HTR1F: variants seen among roughly 807,000 people sequenced by gnomAD.
The protein encoded by HTR1F is 5-hydroxytryptamine (serotonin) receptor 1F, G protein-coupled.
Under a neutral mutation model 24.0 loss-of-function variants are expected in HTR1F, and 17 were observed. The ratio of observed to expected loss-of-function variants is 0.71; its 90% CI spans 0.48 to 1.06. The LOEUF is 1.06. HTR1F is among the 50% of genes least tolerant of loss of function. The pLI, the probability that HTR1F is intolerant of heterozygous loss-of-function variation, is 0.00. For missense variants in HTR1F, 391 were observed against 427.8 expected (o/e 0.91, Z 0.76); for synonymous variants, 186 against 156.8 (o/e 1.19, Z -1.39).
chr3:87,873,374 G>A (rs1432840910), intron 2 of HTR1F, among the ~76,000 whole-genome samples: 5 of 152,088 alleles, frequency 3.3e-5, no homozygotes, highest in African/African-American at 1.2e-4. Context: ...AGAGTCTGAA[G>A]GCCCAAGAAG....
At chr3:87,955,280 T>C (rs1485150740) in intron 2 of HTR1F, among the ~76,000 whole-genome samples, 1 of 151,502 alleles carries the variant, frequency 6.6e-6, no homozygotes, top group Non-Finnish European at 1.5e-5. Flanking sequence ...TTCGTTTTTA[T>C]GTAAGTAGTA....
intron 2 of HTR1F, among the ~76,000 whole-genome samples, chr3:87,849,246 G>C (rs1281541566): frequency 1.3e-5 from 2 of 151,770 alleles, no homozygotes; most frequent in African/African-American, 4.9e-5. Context: ...CATGGTACTG[G>C]TACCAAAACA....
rs1370594064 is a variant in HTR1F, at chr3:87,853,172, A to T, written c.-43+31048A>T. On this transcript the variant is annotated intron_variant, in intron 2 of 2. Transcript: ENST00000319595. ...CAGATTATTTTGTCACACAGGTATT[A>T]AGCCTAGTACCCATTAGTTATTTTT... is the stretch of plus-strand genomic sequence containing the variant. Among the ~76,000 whole-genome samples the T allele has an allele frequency of 6.0e-5, 9 of 149,820 alleles. 1 individual carries two copies. Among genetic ancestry groups the T allele is most frequent in the African/African-American group, 2.3e-4 (9 of 39,458 alleles).
intron 2 of HTR1F, among the ~76,000 whole-genome samples, chr3:87,907,414 T>C (rs991367486): frequency 1.3e-5 from 2 of 151,930 alleles, no homozygotes; most frequent in African/African-American, 2.4e-5. Flanking sequence ...TTGTGGATTC[T>C]GGATATTAGT....
intron 2 of HTR1F, among the ~76,000 whole-genome samples, chr3:87,903,717 T>C (rs1279634432): frequency 1.3e-5 from 2 of 152,232 alleles, no homozygotes; most frequent in South Asian, 2.1e-4. Flanking sequence ...GTCAGTGTGG[T>C]GATTCCTCAG....
chr3:87,836,994 G>GT (rs1704696461), intron 2 of HTR1F, among the ~76,000 whole-genome samples: 1 of 151,978 alleles, frequency 6.6e-6, no homozygotes. Context: ...TATATTGTTA[G>GT]TTTTTTGTGA....
intron 2 of HTR1F, among the ~76,000 whole-genome samples, chr3:87,871,942 AC>A (rs937683839): frequency 6.6e-5 from 10 of 152,122 alleles, no homozygotes; most frequent in African/African-American, 2.4e-4. Context: ...ATTCTACCCA[AC>A]AACAGTGAAT....
chr3:87,945,072 C>T (rs1559643743), intron 2 of HTR1F, among the ~76,000 whole-genome samples: 9 of 151,660 alleles, frequency 5.9e-5, no homozygotes, highest in Non-Finnish European at 1.3e-4. Flanking sequence ...TCTCTCTTCT[C>T]TGTCTCTCTC....
chr3:87,990,974 G>A lies in HTR1F; in HGVS notation c.225G>A (p.Leu75=), dbSNP rs1466822820. ...LAVTDFLVAV[L]VMPFSIVYIV... The stretch of plus-strand genomic sequence containing the variant: ...TCACAGATTTTCTTGTGGCTGTCCT[G>A]GTGATGCCCTTCAGCATTGTGTATA... Residue 75 remains leucine (L), a synonymous_variant, in exon 3 of 3, where the codon CTG becomes CTA. Transcript: ENST00000319595. 6.2e-7 allele frequency: 1 copy of A among 1,614,158 alleles called. No homozygotes were observed. Among genetic ancestry groups the A allele is most frequent in the East Asian group, 2.2e-5 (1 of 44,882 alleles).
chr3:87,951,107 G>C (rs1358945131), intron 2 of HTR1F, among the ~76,000 whole-genome samples: 1 of 151,908 alleles, frequency 6.6e-6, no homozygotes, highest in Non-Finnish European at 1.5e-5. Context: ...CCGAAACTTG[G>C]AAAACCCTAA....
At chr3:87,930,604 G>A (rs1271580585) in intron 2 of HTR1F, among the ~76,000 whole-genome samples, 1 of 152,116 alleles carries the variant, frequency 6.6e-6, no homozygotes, top group Non-Finnish European at 1.5e-5. Context: ...ATTTGTGTAT[G>A]TTGTACCAAC....
Position 87,991,581 on chromosome 3 carries a change from T to G in HTR1F, c.832T>G (p.Trp278Gly), listed in dbSNP as rs1307178172. 1 of 1,614,078 alleles carries G rather than the reference T, an allele frequency of 6.2e-7. No individual in the cohort carries two copies. The highest frequency in any genetic ancestry group is 8.5e-7 in the Non-Finnish European group (1 of 1,179,996). Reference sequence around the variant, plus strand: ...GTCTGAATTCAAGCATGAGAAATCTTGGAGAAGGCAAAAGATCTCAGGTAC... The same window carrying G: ...GTCTGAATTCAAGCATGAGAAATCTGGGAGAAGGCAAAAGATCTCAGGTAC... ...LRSEFKHEKS[W>G]RRQKISGTRE... Residue 278 changes from tryptophan (W) to glycine (G), a missense_variant, in exon 3 of 3, where the codon TGG (tryptophan) becomes GGG (glycine). Trp to Gly is a radical substitution (Grantham distance 184, BLOSUM62 -2). Coordinates refer to ENST00000319595, the MANE Select transcript of HTR1F (RefSeq NM_001322209.2).
intron 2 of HTR1F, among the ~76,000 whole-genome samples, chr3:87,896,433 A>G (rs1044456183): frequency 1.2e-4 from 19 of 152,234 alleles, no homozygotes; most frequent in African/African-American, 4.6e-4. Flanking sequence ...CATGTTGTGT[A>G]TCTTTATTCA....
At chr3:87,932,458 T>C (rs1475523415) in intron 2 of HTR1F, among the ~76,000 whole-genome samples, 22 of 152,184 alleles carry the variant, frequency 1.4e-4, no homozygotes, top group Non-Finnish European at 1.5e-5. Context: ...CCTTGTAGTA[T>C]AGTTTGAAGA....
chr3:87,904,076 A>G (rs1284134840), intron 2 of HTR1F, among the ~76,000 whole-genome samples: 1 of 152,178 alleles, frequency 6.6e-6, no homozygotes, highest in Non-Finnish European at 1.5e-5. Flanking sequence ...TGAACCAATA[A>G]TTCACAAAAA....
At chr3:87,928,718 CT>C (rs531081995) in intron 2 of HTR1F, among the ~76,000 whole-genome samples, 2 of 152,252 alleles carry the variant, frequency 1.3e-5, no homozygotes, top group South Asian at 4.1e-4. Context: ...ATCCATTTGT[CT>C]TTTATTAGCT....
intron 1 of HTR1F, among the ~76,000 whole-genome samples, chr3:87,819,412 G>C (rs62267036): frequency 1.3e-5 from 2 of 151,012 alleles, no homozygotes; most frequent in Non-Finnish European, 2.9e-5. Context: ...CTTATTTTTA[G>C]AGGGCAGTTT....
chr3:87,917,137 T>A (rs1703911437), intron 2 of HTR1F, among the ~76,000 whole-genome samples: 1 of 151,768 alleles, frequency 6.6e-6, no homozygotes, highest in Admixed American at 6.6e-5. Context: ...TATATCAAAA[T>A]TAAAATTAAA....
At chr3:87,821,331 A>T (rs1380666741) in intron 1 of HTR1F, among the ~76,000 whole-genome samples, 1 of 152,160 alleles carries the variant, frequency 6.6e-6, no homozygotes, top group Non-Finnish European at 1.5e-5. Flanking sequence ...TATCTACTCT[A>T]TGAAATAGAA....
Sources: allele counts gnomAD v4.1 joint callset (sites outside exome capture counted in the v4.1 genomes callset), GRCh38; gene constraint gnomAD v4.1.1; transcripts MANE v1.5; gene names NCBI Gene and HGNC (gene_info 2026-07-23, HGNC 2026-07-21).